The following NEURL1 variants were observed in gnomAD, a reference collection of about 807,000 sequenced individuals.
The protein encoded by NEURL1 is E3 ubiquitin-protein ligase NEURL1.
Under a neutral mutation model 41.2 loss-of-function variants are expected in NEURL1, and 26 were observed. That is an observed-to-expected ratio of 0.63 (90% CI 0.46 to 0.87). The LOEUF (loss-of-function observed/expected upper bound fraction) is 0.87. Ranked by LOEUF, NEURL1 falls within the 40% of genes least tolerant of loss-of-function variation. The pLI, the probability that NEURL1 is intolerant of heterozygous loss-of-function variation, is 0.00. For missense variants in NEURL1, 761 were observed against 871.1 expected, an observed-to-expected ratio of 0.87 and a Z score of 1.59; for synonymous variants, 400 against 402.3, an observed-to-expected ratio of 0.99 and a Z score of 0.07.
chr10:103,570,785 T>C, intron 1 of NEURL1, 87 bp from the exon 2 acceptor site: 5 of 1,542,012 alleles, frequency 3.2e-6, no homozygotes, highest in Non-Finnish European at 4.4e-6. Context: ...CTTCTGGTCA[T>C]GCCCAGCCTC....
Position 103,558,797 on chromosome 10 carries a change from C to T in NEURL1, c.86-12075C>T, listed in dbSNP as rs1341577098. Reference sequence around the variant, plus strand: ...CTCGCCTCTGCCGTCCTCTCTTCTTCCTTTCCCCCCACTTCCTCCTTCACC... The same window carrying T: ...CTCGCCTCTGCCGTCCTCTCTTCTTTCTTTCCCCCCACTTCCTCCTTCACC... On this transcript the variant is annotated intron_variant, in intron 1 of 5. Transcript: ENST00000369780. This position sits in a 1 kb window ranked among gnomAD's most constrained non-coding sequence, Gnocchi z 4.2. Among the ~76,000 whole-genome samples the T allele has an allele frequency of 2.6e-5, 4 of 151,992 alleles. No individual in the cohort carries two copies. Among genetic ancestry groups the T allele is most frequent in the Admixed American group, 1.3e-4 (2 of 15,246 alleles).
rs541052966 is a variant in NEURL1 at position 103,566,693 on chromosome 10, T to G, written c.86-4179T>G. 6.6e-6 allele frequency among the ~76,000 whole-genome samples: 1 copy of G among 152,180 alleles called. No homozygotes were observed. The highest frequency in any genetic ancestry group is 1.5e-5 in the Non-Finnish European group (1 of 68,030). On this transcript the variant is annotated intron_variant, in intron 1 of 5. Coordinates refer to ENST00000369780, the MANE Select transcript of NEURL1 (RefSeq NM_004210.5). This position sits in a 1 kb window ranked among gnomAD's most constrained non-coding sequence, Gnocchi z 4.2. Reference sequence around the variant, plus strand: ...GGTCATTGTGTGGACATGTTTTCATTTCTTGTGGGGAAATGCCTGGAAGTG... The same window carrying G: ...GGTCATTGTGTGGACATGTTTTCATGTCTTGTGGGGAAATGCCTGGAAGTG...
chr10:103,576,092 A>G (rs1211361455), intron 3 of NEURL1, among the ~76,000 whole-genome samples: 2 of 152,218 alleles, frequency 1.3e-5, no homozygotes, highest in Non-Finnish European at 2.9e-5. Context: ...CCTCTCCTGG[A>G]ATAATGTTTT....
In NEURL1 at chr10:103,494,257, C is replaced by A. The variant is rs2033625086; in HGVS notation, c.-131C>A. ...GAAGCTGAGGAGCTGCCCGCCCGCC[C>A]CCGGCTGCAGCCCCAGCAGGGCCCT... On this transcript the variant is annotated 5_prime_UTR_variant, in exon 1 of 6. Coordinates refer to ENST00000369780, the MANE Select transcript of NEURL1 (RefSeq NM_004210.5). 1.5e-6 allele frequency: 1 copy of A among 658,804 alleles called. No homozygotes were observed. The highest frequency in any genetic ancestry group is 2.4e-6 in the Non-Finnish European group (1 of 409,506). 40.8% of individuals were successfully genotyped at this position (658,804 alleles called of 1,614,324 possible).
chr10:103,543,814 A>C (rs1443981023), intron 1 of NEURL1, among the ~76,000 whole-genome samples: 1 of 151,532 alleles, frequency 6.6e-6, no homozygotes, highest in Non-Finnish European at 1.5e-5. Context: ...AGTGCCAGGG[A>C]GGGGCACTCC....
chr10:103,528,014 G>A (rs2133857972), intron 1 of NEURL1, among the ~76,000 whole-genome samples: 1 of 152,186 alleles, frequency 6.6e-6, no homozygotes, highest in Non-Finnish European at 1.5e-5. Flanking sequence ...CAGGTCAGGA[G>A]TTTGAGACCA....
intron 1 of NEURL1, among the ~76,000 whole-genome samples, chr10:103,568,510 T>C (rs929752390): frequency 2.6e-5 from 4 of 152,212 alleles, no homozygotes; most frequent in Non-Finnish European, 4.4e-5. Context: ...AAGGCTGTCA[T>C]CAGCAGCTGG....
chr10:103,494,478 C>G lies in NEURL1; in HGVS notation c.85+6C>G, dbSNP rs1190514093. 3 of 1,557,360 alleles carry G rather than the reference C, an allele frequency of 1.9e-6. No homozygotes were observed. In the Admixed American group the frequency reaches 5.7e-5, roughly 29 times the overall value. On this transcript the variant is annotated splice_donor_region_variant and intron_variant, in intron 1 of 5. Transcript: ENST00000369780. ...CCACCCCCAGAACCTCAAAGGTAGG[C>G]TCCCCGGCCGAGCGCTGCTGGAGGA...
intron 1 of NEURL1, chr10:103,512,197 A>C (rs1018181661): frequency 3.3e-5 from 5 of 152,412 alleles, no homozygotes; most frequent in African/African-American, 1.2e-4. Context: ...GAGAGTGGTC[A>C]GTTAGGCTGA....
Position 103,584,622 on chromosome 10 carries a change from G to T in NEURL1, c.736G>T (p.Ala246Ser). 7.0e-7 allele frequency: 1 copy of T among 1,421,002 alleles called. No homozygotes were observed. Among genetic ancestry groups the T allele is most frequent in the South Asian group, 1.5e-5 (1 of 68,954 alleles). 88.0% of individuals were successfully genotyped at this position (1,421,002 alleles called of 1,614,324 possible). A position where few individuals can be genotyped will look rare whatever the true frequency, so the allele number is the denominator to read the frequency against. Residue 246 changes from alanine (A) to serine (S), a missense_variant, in exon 4 of 6, where the codon GCG (alanine) becomes TCG (serine). By Grantham distance (99) the Ala-to-Ser change is moderately conservative. This residue lies in a region of NEURL1 where 114 missense variants were observed against 144.8 expected (regional missense o/e 0.79). Transcript: ENST00000369780. ...RPSLRREADD[A>S]RLSVSLCDLN... ...GTCGCTGCGGCGCGAGGCGGACGAC[G>T]CGCGCCTCTCGGTGAGCCTATGCGA... is the stretch of plus-strand genomic sequence containing the variant.
chr10:103,559,872 A>C (rs1025276138), intron 1 of NEURL1, among the ~76,000 whole-genome samples: 5 of 152,020 alleles, frequency 3.3e-5, no homozygotes, highest in African/African-American at 1.2e-4. Flanking sequence ...ACATGTACAC[A>C]TACGCACACA....
At chr10:103,501,618 T>TTTATTTA (rs1554888031) in intron 1 of NEURL1, among the ~76,000 whole-genome samples, 1 of 142,596 alleles carries the variant, frequency 7.0e-6, no homozygotes, top group African/African-American at 2.6e-5. Flanking sequence ...TCCCACTTTA[T>TTTATTTA]TTATTATTAT....
intron 1 of NEURL1, among the ~76,000 whole-genome samples, chr10:103,513,939 C>T (rs1201916910): frequency 6.6e-6 from 1 of 151,982 alleles, no homozygotes; most frequent in Non-Finnish European, 1.5e-5. Context: ...GTCCAAGAGG[C>T]TGGGGGAGCT....
Position 103,558,315 on chromosome 10 carries a change from G to C in NEURL1, c.86-12557G>C. ...TGTGTGTCGGGGGTCATCTAATTGT[G>C]TGTTTTGTTTGTGGACGTGTTTTGG... On this transcript the variant is annotated intron_variant, in intron 1 of 5. Transcript: ENST00000369780. The surrounding 1 kb of genome is among the most constrained non-coding windows in gnomAD (Gnocchi z 4.2). 1.1e-6 allele frequency: 1 copy of C among 946,534 alleles called. No homozygotes were observed. The highest frequency in any genetic ancestry group is 4.9e-5 in the South Asian group (1 of 20,486). The allele number at this position is 946,534 out of a possible 1,614,324, so 58.6% of individuals were successfully genotyped here.
intron 1 of NEURL1, among the ~76,000 whole-genome samples, chr10:103,499,424 C>T (rs2033768773): frequency 6.7e-6 from 1 of 149,308 alleles, no homozygotes. Context: ...TTCCTTCCTT[C>T]TCTTCTTCCC....
chr10:103,569,976 T>A (rs551123948), intron 1 of NEURL1, among the ~76,000 whole-genome samples: 2 of 152,304 alleles, frequency 1.3e-5, no homozygotes, highest in African/African-American at 4.8e-5. Flanking sequence ...TCCCTTTTCT[T>A]CCTGTCTTCC....
chr10:103,518,308 G>A (rs943493712), intron 1 of NEURL1, among the ~76,000 whole-genome samples: 1 of 152,038 alleles, frequency 6.6e-6, no homozygotes, highest in Non-Finnish European at 1.5e-5. Flanking sequence ...TGCATTTAGA[G>A]TGCTACATTT....
intron 1 of NEURL1, among the ~76,000 whole-genome samples, chr10:103,520,684 T>G (rs186323860): frequency 6.6e-5 from 10 of 152,084 alleles, no homozygotes; most frequent in African/African-American, 2.4e-4. Context: ...CATAAAATAG[T>G]GTCGAAGTGT....
chr10:103,562,366 G>C (rs544044856), intron 1 of NEURL1, among the ~76,000 whole-genome samples: 1 of 152,180 alleles, frequency 6.6e-6, no homozygotes, highest in Admixed American at 6.5e-5. Flanking sequence ...CTGGGTGACC[G>C]AGCCAGACTC....
Sources: allele counts gnomAD v4.1 joint callset (sites outside exome capture counted in the v4.1 genomes callset), GRCh38; gene constraint gnomAD v4.1.1; regional missense constraint gnomAD v4.1.1; non-coding constraint Gnocchi (gnomAD v3.1); transcripts MANE v1.5; gene names NCBI Gene and HGNC (gene_info 2026-07-23, HGNC 2026-07-21).